Variants in DACH2 observed in about 807,000 individuals in gnomAD.
DACH2 encodes dachshund homolog 2.
DACH2 carries 17 observed loss-of-function variants against 35.8 expected under a neutral mutation model. The ratio of observed to expected loss-of-function variants is 0.48; its 90% CI spans 0.33 to 0.71. DACH2 has a LOEUF of 0.71. Ranked by LOEUF, DACH2 falls within the 30% of genes least tolerant of loss-of-function variation. The pLI, the probability that DACH2 is intolerant of heterozygous loss-of-function variation, is 0.02. For missense variants in DACH2, 469 were observed against 472.7 expected, an observed-to-expected ratio of 0.99 and a Z score of 0.07; for synonymous variants, 195 against 177.3, an observed-to-expected ratio of 1.10 and a Z score of -0.79.
intron 3 of DACH2, among the ~76,000 whole-genome samples, chrX:86,649,486 C>T (rs1003613143): frequency 4.5e-5 from 5 of 110,630 alleles, no homozygotes; most frequent in Non-Finnish European, 9.5e-5. Context: ...TAGACATACC[C>T]TTTGGGAGCT....
chrX:86,616,735 T>C (rs1212161451), intron 3 of DACH2, among the ~76,000 whole-genome samples: 2 of 112,405 alleles, frequency 1.8e-5, no homozygotes, highest in Admixed American at 1.9e-4. Flanking sequence ...CTGTTGGTAG[T>C]TTCTTTCACT....
At chrX:86,585,701 A>G (rs759908110) in intron 3 of DACH2, among the ~76,000 whole-genome samples, 1 of 111,126 alleles carries the variant, frequency 9.0e-6, no homozygotes, top group Non-Finnish European at 1.9e-5. Flanking sequence ...GCTTAGCATA[A>G]TGGCCTGGGG....
intron 1 of DACH2, among the ~76,000 whole-genome samples, chrX:86,339,620 G>A (rs2035379169): frequency 9.0e-6 from 1 of 111,443 alleles, no homozygotes; most frequent in African/African-American, 3.3e-5. Context: ...AGGTCACATA[G>A]CTAATAAGTG....
chrX:86,813,013 T>C lies in DACH2; in HGVS notation c.1389+9T>C. On this transcript the variant is annotated intron_variant, in intron 8 of 11. Transcript: ENST00000373125. ...TGTTGACCAACATTCAGGTCAACAA[T>C]ATTTCTATAAACAAAATAAATGTAA... The C allele has an allele frequency of 1.7e-6, 2 of 1,179,486 alleles. No individual in the cohort carries two copies. The highest frequency in any genetic ancestry group is 2.3e-6 in the Non-Finnish European group (2 of 878,498).
chrX:86,781,909 T>C (rs2042092692), intron 7 of DACH2, among the ~76,000 whole-genome samples: 1 of 111,841 alleles, frequency 8.9e-6, no homozygotes, highest in Admixed American at 9.5e-5. Context: ...TGTTTGCAAA[T>C]GATATGGTCT....
chrX:86,289,112 G>T (rs1448427558), intron 1 of DACH2, among the ~76,000 whole-genome samples: 1 of 109,199 alleles, frequency 9.2e-6, no homozygotes, highest in Non-Finnish European at 1.9e-5. Context: ...ACTTCTTCCA[G>T]GTCTTGGTCA....
At chrX:86,150,580 T>C (rs994744167) in intron 1 of DACH2, among the ~76,000 whole-genome samples, 20 of 111,924 alleles carry the variant, frequency 1.8e-4, no homozygotes, top group African/African-American at 6.5e-4. Context: ...AAACTATTTA[T>C]GTGAGAACTC....
At chrX:86,438,213 T>G (rs1285178824) in intron 2 of DACH2, among the ~76,000 whole-genome samples, 1 of 103,935 alleles carries the variant, frequency 9.6e-6, no homozygotes, top group East Asian at 3.1e-4. Flanking sequence ...GGACATGATC[T>G]CGTAGGTTTT....
chrX:86,385,656 A>T (rs919462208), intron 2 of DACH2, among the ~76,000 whole-genome samples: 3 of 111,137 alleles, frequency 2.7e-5, no homozygotes, highest in Non-Finnish European at 5.7e-5. Flanking sequence ...CCTGGAACCA[A>T]TCCCCCTGGG....
chrX:86,305,284 G>A lies in DACH2; in HGVS notation c.489-71540G>A, dbSNP rs147940416. 3.6e-3 allele frequency among the ~76,000 whole-genome samples: 403 copies of A among 111,673 alleles called. 3 individuals carry two copies. Among genetic ancestry groups the A allele is most frequent in the African/African-American group, 0.013 (387 of 30,709 alleles). ...GTATGTACTATGCCAGCTCCTTAGC[G>A]GTCAGCCAGATGTGTACTGTTGACA... On this transcript the variant is annotated intron_variant, in intron 1 of 11. Transcript: ENST00000373125.
chrX:86,556,586 T>C (rs751226848), intron 3 of DACH2, among the ~76,000 whole-genome samples: 3 of 107,456 alleles, frequency 2.8e-5, no homozygotes, highest in African/African-American at 1.0e-4. Flanking sequence ...TTCTAGTCCT[T>C]GATGCACCTT....
At chrX:86,451,117 T>G (rs1375984402) in intron 2 of DACH2, among the ~76,000 whole-genome samples, 1 of 111,843 alleles carries the variant, frequency 8.9e-6, no homozygotes, top group Non-Finnish European at 1.9e-5. Context: ...TTGCTTTTGG[T>G]GTTTTTGTTA....
chrX:86,190,204 C>A (rs1288203288), intron 1 of DACH2, among the ~76,000 whole-genome samples: 1 of 109,882 alleles, frequency 9.1e-6, no homozygotes, highest in African/African-American at 3.3e-5. Context: ...TTTCTTTTGT[C>A]TTTTATATGT....
In DACH2 at chrX:86,199,371, C is replaced by T. The variant is rs1321793509; in HGVS notation, c.488+50263C>T. ...AAAGTGGCACAAGACAAGGATGCCT[C>T]TCTCACCACTCCTATTCAACATAGT... On this transcript the variant is annotated intron_variant, in intron 1 of 11. Coordinates refer to ENST00000373125, the MANE Select transcript of DACH2 (RefSeq NM_053281.3). Among the ~76,000 whole-genome samples the T allele has an allele frequency of 9.0e-5, 10 of 111,080 alleles. No individual in the cohort carries two copies. In the Admixed American group the frequency reaches 9.6e-4, roughly 11 times the overall value.
chrX:86,292,637 A>T (rs1411768341), intron 1 of DACH2, among the ~76,000 whole-genome samples: 1 of 110,099 alleles, frequency 9.1e-6, no homozygotes, highest in South Asian at 3.9e-4. Flanking sequence ...CTTTGTTCTC[A>T]TTGGTTTCAA....
intron 2 of DACH2, among the ~76,000 whole-genome samples, chrX:86,404,909 C>T (rs57290807): frequency 0.13 from 14,729 of 111,843 alleles, 1,567 homozygotes; most frequent in African/African-American, 0.36. Flanking sequence ...TTGACTTCTG[C>T]ACATCCATAG....
intron 3 of DACH2, among the ~76,000 whole-genome samples, chrX:86,551,947 G>A (rs755449417): frequency 9.0e-6 from 1 of 111,411 alleles, no homozygotes; most frequent in Non-Finnish European, 1.9e-5. Context: ...TACCTAGGGT[G>A]ATTTATTTTC....
intron 4 of DACH2, among the ~76,000 whole-genome samples, chrX:86,661,698 C>A (rs1041901181): frequency 8.9e-6 from 1 of 112,040 alleles, no homozygotes; most frequent in African/African-American, 3.2e-5. Context: ...GGGATATATA[C>A]CAAGGAGTAG....
chrX:86,523,559 A>G (rs1235282436), intron 3 of DACH2, among the ~76,000 whole-genome samples: 1 of 111,726 alleles, frequency 9.0e-6, no homozygotes, highest in African/African-American at 3.3e-5. Flanking sequence ...TTATTACTCA[A>G]ATCAATCTCT....
Sources: allele counts gnomAD v4.1 joint callset (sites outside exome capture counted in the v4.1 genomes callset), GRCh38; gene constraint gnomAD v4.1.1; transcripts MANE v1.5; gene names NCBI Gene and HGNC (gene_info 2026-07-23, HGNC 2026-07-21).